GRM8: variants seen among roughly 807,000 people sequenced by gnomAD.
The protein encoded by GRM8 is glutamate metabotropic receptor 8.
GRM8 carries 47 observed loss-of-function variants against 87.2 expected under a neutral mutation model. That is an observed-to-expected ratio of 0.54 (90% confidence interval 0.43 to 0.69). The LOEUF (loss-of-function observed/expected upper bound fraction) is 0.69, where lower values mean the gene tolerates loss of function less well. Ranked by LOEUF, GRM8 falls within the 30% of genes least tolerant of loss-of-function variation. The pLI is 0.00. For missense variants in GRM8, 1,019 were observed against 1,139.2 expected, an observed-to-expected ratio of 0.89 and a Z score of 1.52; for synonymous variants, 396 against 404.5, an observed-to-expected ratio of 0.98 and a Z score of 0.25.
chr7:126,461,328 A>G (rs989199932), intron 9 of GRM8, among the ~76,000 whole-genome samples: 1 of 151,508 alleles, frequency 6.6e-6, no homozygotes, highest in African/African-American at 2.4e-5. Context: ...TCTCACCTGT[A>G]AATCCATTTT....
chr7:126,765,935 T>C (rs1270712112), intron 7 of GRM8, among the ~76,000 whole-genome samples: 3 of 152,106 alleles, frequency 2.0e-5, no homozygotes, highest in Non-Finnish European at 4.4e-5. Flanking sequence ...TTTCAGTGAT[T>C]ACATTCAATT....
intron 3 of GRM8, among the ~76,000 whole-genome samples, chr7:126,936,451 C>G (rs112875364): frequency 6.6e-6 from 1 of 152,224 alleles, no homozygotes; most frequent in African/African-American, 2.4e-5. Context: ...TGACTCCCCC[C>G]ACTATCCGCT....
At position 126,775,479 on chromosome 7, in the gene GRM8, GTTTTTT is replaced by G. The variant is rs372733476; in HGVS notation, c.1157-5420_1157-5415del. Among the ~76,000 whole-genome samples the G allele has an allele frequency of 1.4e-3, 148 of 104,746 alleles. 2 individuals are homozygous for G. The highest frequency in any genetic ancestry group is 1.9e-3 in the Non-Finnish European group (110 of 56,590). 68.7% of individuals were successfully genotyped at this position (104,746 alleles called of 152,430 possible). ...TGAGCGCTATCAAGCTGACAAATAG[GTTTTTT>G]TTTTTTTTTTTTTTTTTTTTTTTAC... On this transcript the variant is annotated intron_variant, in intron 6 of 10. Transcript: ENST00000339582.
chr7:126,918,450 A>G (rs1804162256), intron 3 of GRM8, among the ~76,000 whole-genome samples: 1 of 152,208 alleles, frequency 6.6e-6, no homozygotes, highest in Non-Finnish European at 1.5e-5. Context: ...AGAAGCAGAC[A>G]ACTCATGTTA....
At chr7:126,730,871 T>A (rs1480647668) in intron 7 of GRM8, among the ~76,000 whole-genome samples, 1 of 152,148 alleles carries the variant, frequency 6.6e-6, no homozygotes, top group African/African-American at 2.4e-5. Flanking sequence ...CATTTAGGGA[T>A]AATAGTTGGC....
At chr7:126,960,778 T>A (rs1809232628) in intron 3 of GRM8, among the ~76,000 whole-genome samples, 2 of 152,214 alleles carry the variant, frequency 1.3e-5, no homozygotes, top group Admixed American at 6.5e-5. Context: ...GTTTTTAAAA[T>A]CCAGGCTATT....
chr7:127,211,503 C>T (rs1264586047), intron 2 of GRM8, among the ~76,000 whole-genome samples: 1 of 152,220 alleles, frequency 6.6e-6, no homozygotes, highest in African/African-American at 2.4e-5. Flanking sequence ...AAATGTTAAT[C>T]TCCTTTGGCA....
intron 2 of GRM8, among the ~76,000 whole-genome samples, chr7:127,188,913 A>G (rs768715220): frequency 3.3e-5 from 5 of 152,220 alleles, no homozygotes; most frequent in Non-Finnish European, 7.3e-5. Context: ...ATCTTGTATT[A>G]AACGATCACA....
chr7:126,506,714 G>T (rs1334544544), intron 9 of GRM8, among the ~76,000 whole-genome samples: 1 of 151,802 alleles, frequency 6.6e-6, no homozygotes, highest in Non-Finnish European at 1.5e-5. Context: ...AGGAAACAAA[G>T]GTTGCCGAGA....
intron 9 of GRM8, among the ~76,000 whole-genome samples, chr7:126,469,227 TAACA>T (rs1489648020): frequency 6.6e-6 from 1 of 152,164 alleles, no homozygotes; most frequent in African/African-American, 2.4e-5. Context: ...TGAGATTCTC[TAACA>T]AATATTTTAA....
At position 126,529,183 on chromosome 7, in the gene GRM8, T is replaced by C. The variant is rs147967705; in HGVS notation, c.2430+3769A>G. Reference sequence around the variant, plus strand: ...ATCATTAAATGGGAAACCATTTTTTTCAGAAAAAAAAAATTGTTATAATGG... The same window carrying C: ...ATCATTAAATGGGAAACCATTTTTTCCAGAAAAAAAAAATTGTTATAATGG... On this transcript the variant is annotated intron_variant, in intron 9 of 10. Transcript: ENST00000339582. Among the ~76,000 whole-genome samples the C allele has an allele frequency of 6.6e-3, 1,009 of 152,104 alleles. 9 individuals are homozygous for C. Among genetic ancestry groups the C allele is most frequent in the African/African-American group, 0.023 (964 of 41,496 alleles).
At chr7:126,795,989 C>A (rs1821907349) in intron 6 of GRM8, among the ~76,000 whole-genome samples, 1 of 151,904 alleles carries the variant, frequency 6.6e-6, no homozygotes, top group Admixed American at 6.6e-5. Context: ...CTTAAAATAA[C>A]ATTTTCTCAA....
intron 9 of GRM8, among the ~76,000 whole-genome samples, chr7:126,459,120 T>C (rs1443699735): frequency 1.3e-5 from 2 of 151,322 alleles, no homozygotes; most frequent in East Asian, 1.9e-4. Context: ...TTTGGTAATA[T>C]GATAAGTCCA....
At chr7:126,608,370 C>T (rs1261620482) in intron 8 of GRM8, among the ~76,000 whole-genome samples, 1 of 152,172 alleles carries the variant, frequency 6.6e-6, no homozygotes, top group Non-Finnish European at 1.5e-5. Context: ...CACGTGCTAA[C>T]CCCACTGGGT....
At chr7:127,059,043 C>G (rs1418863427) in intron 3 of GRM8, among the ~76,000 whole-genome samples, 3 of 152,194 alleles carry the variant, frequency 2.0e-5, no homozygotes, top group South Asian at 2.1e-4. Context: ...GACAAGTGAG[C>G]AACAGATTTC....
chr7:127,246,919 T>A (rs532067705), intron 1 of GRM8, among the ~76,000 whole-genome samples: 8 of 152,278 alleles, frequency 5.3e-5, no homozygotes, highest in Admixed American at 4.6e-4. Context: ...CCTGAGAGCG[T>A]GAGCTGATAA....
chr7:126,684,479 G>A lies in GRM8; in HGVS notation c.1358-74981C>T, dbSNP rs78037573. ...AGAGGTGTCCTCAAGGAATGCACTA[G>A]GTTAGCAAGAGAAAGGGCCTTGATT... is the stretch of plus-strand genomic sequence containing the variant. On this transcript the variant is annotated intron_variant, in intron 7 of 10. Transcript: ENST00000339582. Among the ~76,000 whole-genome samples, 358 of 152,344 alleles carry A rather than the reference G, an allele frequency of 2.3e-3. 2 individuals are homozygous for A. The highest frequency in any genetic ancestry group is 4.2e-3 in the Non-Finnish European group (284 of 68,038).
At chr7:126,740,356 T>C (rs1814807148) in intron 7 of GRM8, among the ~76,000 whole-genome samples, 1 of 152,154 alleles carries the variant, frequency 6.6e-6, no homozygotes, top group Non-Finnish European at 1.5e-5. Context: ...AGATAACTTG[T>C]ATCAAGTCAA....
intron 7 of GRM8, among the ~76,000 whole-genome samples, chr7:126,768,938 A>AAAAAAAAAAAAAAAAT (rs1818528798): frequency 1.4e-5 from 2 of 148,064 alleles, no homozygotes; most frequent in Non-Finnish European, 1.5e-5. Flanking sequence ...AAAAAAAAAA[A>AAAAAAAAAAAAAAAAT]AAATAAAGAA....
Sources: allele counts gnomAD v4.1 joint callset (sites outside exome capture counted in the v4.1 genomes callset), GRCh38; gene constraint gnomAD v4.1.1; transcripts MANE v1.5; gene names NCBI Gene and HGNC (gene_info 2026-07-23, HGNC 2026-07-21).